ALG5: variants seen among roughly 807,000 people sequenced by gnomAD.
ALG5 encodes ALG5 dolichyl-phosphate beta-glucosyltransferase.
Under a neutral mutation model 51.8 loss-of-function variants are expected in ALG5, and 26 were observed. The observed-to-expected ratio is 0.50, with a 90% CI of 0.37 to 0.70. ALG5 has a LOEUF of 0.70. ALG5 is among the 30% of genes least tolerant of loss of function. ALG5 has a pLI of 0.00. For missense variants in ALG5, 311 were observed against 399.3 expected (o/e 0.78, Z 1.88); for synonymous variants, 141 against 136.1 (o/e 1.04, Z -0.25).
chr13:36,995,963 G>GAC (rs575436002), intron 1 of ALG5, among the ~76,000 whole-genome samples: 5 of 152,050 alleles, frequency 3.3e-5, no homozygotes, highest in East Asian at 1.9e-4. Flanking sequence ...CATGCATAGA[G>GAC]ACACACACAC....
chr13:36,960,283 A>C (rs1385422900), intron 8 of ALG5, among the ~76,000 whole-genome samples: 4 of 152,198 alleles, frequency 2.6e-5, no homozygotes, highest in Non-Finnish European at 5.9e-5. Flanking sequence ...TAATATCTAA[A>C]ACTGAACAAC....
chr13:36,984,680 C>G (rs2058994308), intron 6 of ALG5, among the ~76,000 whole-genome samples: 1 of 152,140 alleles, frequency 6.6e-6, no homozygotes, highest in South Asian at 2.1e-4. Flanking sequence ...GTACCTGTAT[C>G]TCTTCCCCCT....
intron 5 of ALG5, among the ~76,000 whole-genome samples, chr13:36,988,066 CT>C (rs1428646507): frequency 8.5e-5 from 13 of 152,174 alleles, no homozygotes; most frequent in Non-Finnish European, 7.3e-5. Flanking sequence ...GCTCCCTGCC[CT>C]CCCAACTTGG....
chr13:36,978,059 T>C (rs963965299), intron 6 of ALG5, among the ~76,000 whole-genome samples: 2 of 151,076 alleles, frequency 1.3e-5, no homozygotes, highest in Non-Finnish European at 3.0e-5. Flanking sequence ...GCTAATTTTT[T>C]GTATTTTTAG....
chr13:36,970,451 T>C (rs2058917025), intron 7 of ALG5, among the ~76,000 whole-genome samples: 1 of 151,344 alleles, frequency 6.6e-6, no homozygotes, highest in Non-Finnish European at 1.5e-5. Flanking sequence ...AATACAAAAA[T>C]TAGCTGGGTG....
chr13:36,965,973 C>T (rs1324045017), intron 7 of ALG5, among the ~76,000 whole-genome samples: 4 of 152,134 alleles, frequency 2.6e-5, no homozygotes, highest in Non-Finnish European at 2.9e-5. Flanking sequence ...GTCAGACAAG[C>T]GGCCAGGGCT....
At chr13:36,973,349 C>CACATACACAAAGCCA (rs2058935349) in intron 6 of ALG5, among the ~76,000 whole-genome samples, 2 of 152,080 alleles carry the variant, frequency 1.3e-5, no homozygotes, top group Non-Finnish European at 2.9e-5. Context: ...CATATGAGTA[C>CACATACACAAAGCCA]TTAGAATATG....
chr13:36,971,095 T>C (rs1218681922), intron 7 of ALG5, among the ~76,000 whole-genome samples: 1 of 152,132 alleles, frequency 6.6e-6, no homozygotes, highest in Non-Finnish European at 1.5e-5. Flanking sequence ...CAAAGCCTCA[T>C]GTGCGTAAGA....
At chr13:36,996,886 CTT>C (rs2138833811) in intron 1 of ALG5, among the ~76,000 whole-genome samples, 1 of 152,268 alleles carries the variant, frequency 6.6e-6, no homozygotes, top group African/African-American at 2.4e-5. Context: ...TGATGACAAA[CTT>C]TATAAACTGG....
chr13:36,979,541 A>C (rs971118660), intron 6 of ALG5, among the ~76,000 whole-genome samples: 3 of 152,132 alleles, frequency 2.0e-5, no homozygotes, highest in Non-Finnish European at 2.9e-5. Context: ...CAAAACTAGA[A>C]CTGGCCAAGG....
chr13:36,995,233 C>G (rs1000868608), intron 2 of ALG5, among the ~76,000 whole-genome samples, 192 bp downstream of exon 2: 4 of 152,174 alleles, frequency 2.6e-5, no homozygotes, highest in Non-Finnish European at 5.9e-5. Context: ...GTCCCGCTGC[C>G]TCATGATGCT....
intron 3 of ALG5, among the ~76,000 whole-genome samples, chr13:36,994,421 C>T (rs1487535345): frequency 2.0e-5 from 3 of 152,074 alleles, no homozygotes; most frequent in Non-Finnish European, 4.4e-5. Flanking sequence ...TACTTCTCTT[C>T]TCCTTATGTA....
At chr13:36,959,177 G>T (rs554383737) in intron 8 of ALG5, among the ~76,000 whole-genome samples, 1 of 152,166 alleles carries the variant, frequency 6.6e-6, no homozygotes, top group African/African-American at 2.4e-5. Context: ...CATAGAGGCA[G>T]AGAGTAGAAT....
chr13:36,993,507 C>A, intron 4 of ALG5, 97 bp downstream of exon 4: 2 of 1,029,590 alleles, frequency 1.9e-6, no homozygotes, highest in Non-Finnish European at 3.0e-6. Context: ...TTAGGCACAG[C>A]TTTAGGGTCC....
chr13:36,988,246 T>C (rs541408122), intron 5 of ALG5, among the ~76,000 whole-genome samples: 11 of 152,358 alleles, frequency 7.2e-5, no homozygotes, highest in Non-Finnish European at 1.5e-4. Context: ...TAAACTGTGA[T>C]GTCCTTAAGG....
chr13:36,950,643 G>A (rs1000768109), intron 9 of ALG5, among the ~76,000 whole-genome samples: 2 of 151,558 alleles, frequency 1.3e-5, no homozygotes, highest in African/African-American at 2.4e-5. Flanking sequence ...GCAGTGACAC[G>A]ATTATGGCTC....
At chr13:36,953,254 T>C (rs550331234) in intron 8 of ALG5, among the ~76,000 whole-genome samples, 1 of 152,352 alleles carries the variant, frequency 6.6e-6, no homozygotes, top group Admixed American at 6.5e-5. Context: ...CTTGTCCTAA[T>C]ATATACTGTT....
intron 3 of ALG5, among the ~76,000 whole-genome samples, chr13:36,994,498 A>G (rs1173137095): frequency 6.6e-6 from 1 of 152,158 alleles, no homozygotes; most frequent in African/African-American, 2.4e-5. Flanking sequence ...AATAATTTCA[A>G]TGTAAGTGTG....
intron 6 of ALG5, among the ~76,000 whole-genome samples, chr13:36,980,396 G>C (rs1330944467): frequency 4.6e-5 from 7 of 151,870 alleles, no homozygotes; most frequent in Admixed American, 6.6e-5. Context: ...TACGACACCT[G>C]GCTAATTTTT....
Sources: gnomAD v4.1 joint callset for allele counts (sites outside exome capture counted in the v4.1 genomes callset) on GRCh38, gnomAD v4.1.1 for gene constraint, MANE v1.5 for transcripts, NCBI Gene and HGNC (gene_info 2026-07-23, HGNC 2026-07-21) for gene names.